Variants in ENPP6 observed in about 807,000 individuals in gnomAD.
The protein encoded by ENPP6 is ectonucleotide pyrophosphatase/phosphodiesterase 6, also known as glycerophosphocholine cholinephosphodiesterase ENPP6.
ENPP6 carries 32 observed loss-of-function variants against 42.0 expected under a neutral mutation model. The observed-to-expected ratio is 0.76, with a 90% CI of 0.58 to 1.02. The LOEUF (loss-of-function observed/expected upper bound fraction) is 1.02, where lower values mean the gene tolerates loss of function less well. Ranked by LOEUF, ENPP6 falls within the 50% of genes least tolerant of loss-of-function variation. The pLI is 0.00. For synonymous variants in ENPP6, 213 were observed against 216.0 expected (o/e 0.99, Z 0.12); for missense variants, 552 against 566.8 (o/e 0.97, Z 0.27).
intron 1 of ENPP6, among the ~76,000 whole-genome samples, chr4:184,180,096 CAAAAT>C (rs1272563688): frequency 2.1e-5 from 1 of 47,998 alleles, no homozygotes; most frequent in Non-Finnish European, 9.4e-5. Flanking sequence ...GTTTTTTTGA[CAAAAT>C]TAATAAAATA....
At chr4:184,168,918 C>T (rs1327616820) in intron 1 of ENPP6, among the ~76,000 whole-genome samples, 1 of 152,160 alleles carries the variant, frequency 6.6e-6, no homozygotes, top group African/African-American at 2.4e-5. Context: ...TCCTCATTCC[C>T]CCACCCCACC....
chr4:184,180,500 C>T (rs898789175), intron 1 of ENPP6, among the ~76,000 whole-genome samples: 4 of 152,198 alleles, frequency 2.6e-5, no homozygotes, highest in Admixed American at 2.0e-4. Flanking sequence ...TCCTCCCTAA[C>T]TCATTTTATG....
chr4:184,176,793 A>G (rs1412544263), intron 1 of ENPP6, among the ~76,000 whole-genome samples: 1 of 152,250 alleles, frequency 6.6e-6, no homozygotes, highest in Non-Finnish European at 1.5e-5. Context: ...TCAGCAAGTC[A>G]TCTTGCAGCC....
intron 5 of ENPP6, among the ~76,000 whole-genome samples, chr4:184,114,212 C>CA (rs1159221451): frequency 6.6e-6 from 1 of 152,086 alleles, no homozygotes; most frequent in Non-Finnish European, 1.5e-5. Flanking sequence ...GTGATCCACC[C>CA]ACCTTAGCCT....
In ENPP6 at chr4:184,104,017, C is replaced by CTT. The variant is rs34970688; in HGVS notation, c.994-6651_994-6650dup. On this transcript the variant is annotated intron_variant, in intron 6 of 7. Transcript: ENST00000296741. The stretch of plus-strand genomic sequence containing the variant: ...TGGGGTTTCTTTCTTCTTTTCTTTT[C>CTT]TTTTCTTTTTTTGAATCACGTTGAT... Among the ~76,000 whole-genome samples the CTT allele has an allele frequency of 1.0e-2, 1,481 of 148,338 alleles. 18 individuals are homozygous for CTT. Among genetic ancestry groups the CTT allele is most frequent in the African/African-American group, 0.033 (1,353 of 40,592 alleles).
At chr4:184,171,671 A>T (rs1737463421) in intron 1 of ENPP6, among the ~76,000 whole-genome samples, 1 of 152,230 alleles carries the variant, frequency 6.6e-6, no homozygotes, top group African/African-American at 2.4e-5. Flanking sequence ...CTATTCCAAG[A>T]CCATGGCTGT....
chr4:184,151,130 C>T (rs900001076), intron 2 of ENPP6, among the ~76,000 whole-genome samples: 3 of 152,226 alleles, frequency 2.0e-5, no homozygotes, highest in Middle Eastern at 3.4e-3. Flanking sequence ...CTGAGGTCAG[C>T]AGATCAAGAC....
chr4:184,117,133 C>T, intron 4 of ENPP6, 98 bp from the exon 5 acceptor site: 2 of 1,387,776 alleles, frequency 1.4e-6, no homozygotes, highest in Non-Finnish European at 2.0e-6. Context: ...AAGGCTATCT[C>T]CTCAGTTCTG....
rs372630407 is a variant in ENPP6 at position 184,169,147 on chromosome 4, G to A, written c.242-15414C>T. ...CCTCCAAAGGCGAAATTCCTCCTGC[G>A]CCCTGCATGGCCCATTCAGGAGCGT... On this transcript the variant is annotated intron_variant, in intron 1 of 7. Coordinates refer to ENST00000296741, the MANE Select transcript of ENPP6 (RefSeq NM_153343.4). 8.5e-5 allele frequency among the ~76,000 whole-genome samples: 13 copies of A among 152,234 alleles called. 1 individual carries two copies. The East Asian group carries it at 2.1e-3, about 25-fold the overall frequency.
At chr4:184,113,785 C>T (rs1736253318) in intron 5 of ENPP6, among the ~76,000 whole-genome samples, 1 of 152,210 alleles carries the variant, frequency 6.6e-6, no homozygotes, top group Admixed American at 6.5e-5. Context: ...TGTACATCTG[C>T]CTGCCTCAGC....
chr4:184,089,061 G>A lies in ENPP6; in HGVS notation c.*2116C>T, dbSNP rs888585086. The A allele has an allele frequency of 3.3e-5, 5 of 152,094 alleles. No individual in the cohort carries two copies. The highest frequency in any genetic ancestry group is 3.9e-4 in the East Asian group (2 of 5,186). The allele number at this position is 152,094 out of a possible 1,614,324, so 9.4% of individuals were successfully genotyped here. On this transcript the variant is annotated 3_prime_UTR_variant, in exon 8 of 8. Coordinates refer to ENST00000296741, the MANE Select transcript of ENPP6 (RefSeq NM_153343.4). The stretch of plus-strand genomic sequence containing the variant: ...GCTCTACTGAATTCATTGGAACACC[G>A]TCCTTTAAGGAGAAAGAAACTTTGA...
chr4:184,149,120 GT>G (rs990298278), intron 2 of ENPP6, among the ~76,000 whole-genome samples: 11 of 152,162 alleles, frequency 7.2e-5, no homozygotes, highest in African/African-American at 1.9e-4. Context: ...TGTTTGCAGT[GT>G]TTTGACATCT....
At chr4:184,182,153 C>G (rs1732564979) in intron 1 of ENPP6, among the ~76,000 whole-genome samples, 1 of 149,666 alleles carries the variant, frequency 6.7e-6, no homozygotes, top group African/African-American at 2.5e-5. Flanking sequence ...GGAACTTAAA[C>G]AAATCTACAA....
In ENPP6 at chr4:184,180,056, C is replaced by T. The variant is rs533724672; in HGVS notation, c.242-26323G>A. ...TGGAAGGAGATGGAGACATGAAAAT[C>T]CCTTCAAAAAATCAACGAATCCAGG... On this transcript the variant is annotated intron_variant, in intron 1 of 7. Coordinates refer to ENST00000296741, the MANE Select transcript of ENPP6 (RefSeq NM_153343.4). Among the ~76,000 whole-genome samples the T allele has an allele frequency of 3.3e-5, 5 of 151,836 alleles. No individual in the cohort carries two copies. In the South Asian group the frequency reaches 1.0e-3, roughly 32 times the overall value.
intron 6 of ENPP6, among the ~76,000 whole-genome samples, chr4:184,098,053 CT>C (rs1446837558): frequency 2.6e-5 from 4 of 152,242 alleles, no homozygotes. Flanking sequence ...CCCATGCTTT[CT>C]TTCCCACGGG....
At chr4:184,131,185 C>CTTTCTTTCTTTCTTTCTTTCTT (rs1736611050) in intron 2 of ENPP6, among the ~76,000 whole-genome samples, 4 of 62,016 alleles carry the variant, frequency 6.4e-5, no homozygotes, top group Admixed American at 1.3e-4. Context: ...TTCTTTCTTT[C>CTTTCTTTCTTTCTTTCTTTCTT]TTTCTTTCTT....
intron 1 of ENPP6, among the ~76,000 whole-genome samples, chr4:184,164,615 C>T (rs1361323696): frequency 6.6e-6 from 1 of 152,162 alleles, no homozygotes; most frequent in African/African-American, 2.4e-5. Context: ...ACGCCCCATC[C>T]ACACCTTAAT....
chr4:184,204,654 C>T (rs985804380), intron 1 of ENPP6, among the ~76,000 whole-genome samples: 3 of 152,206 alleles, frequency 2.0e-5, no homozygotes, highest in African/African-American at 7.2e-5. Context: ...TACTTTGACA[C>T]AGCTCTCCTT....
chr4:184,094,683 G>A (rs12639969), intron 7 of ENPP6, among the ~76,000 whole-genome samples: 50,635 of 152,246 alleles, frequency 0.33, 10,223 homozygotes, highest in East Asian at 0.62. Context: ...CTCTTACAGA[G>A]AGGAGGTTCT....
Sources: allele counts gnomAD v4.1 joint callset (sites outside exome capture counted in the v4.1 genomes callset), GRCh38; gene constraint gnomAD v4.1.1; transcripts MANE v1.5; gene names NCBI Gene and HGNC (gene_info 2026-07-23, HGNC 2026-07-21).